RBM33: variants seen among roughly 807,000 people sequenced by gnomAD.
The protein encoded by RBM33 is RNA-binding protein 33.
In RBM33, 28 loss-of-function variants were observed where a neutral mutation model predicts 132.6. That is an observed-to-expected ratio of 0.21 (90% CI 0.16 to 0.29). RBM33 has a LOEUF of 0.29. Ranked by LOEUF, RBM33 falls within the 10% of genes least tolerant of loss-of-function variation. The pLI is 1.00. For missense variants in RBM33, 1,291 were observed against 1,518.5 expected (o/e 0.85, Z 2.49); for synonymous variants, 634 against 593.0 (o/e 1.07, Z -1.01).
chr7:155,737,945 A>G, intron 10 of RBM33, 115 bp from the exon 11 acceptor site: 2 of 978,982 alleles, frequency 2.0e-6, no homozygotes, highest in Non-Finnish European at 1.5e-6. Context: ...TCCAACATTC[A>G]TAACCTGTCA....
Position 155,774,985 on chromosome 7 carries a change from T to G in RBM33, c.3465-8T>G, listed in dbSNP as rs1802555994. ...GTTAGTGTCGATCGTTTCTTTAAAT[T>G]TTCACAGGCATATGATAGATTTGTC... On this transcript the variant is annotated splice_region_variant and splice_polypyrimidine_tract_variant and intron_variant, in intron 17 of 17. Coordinates refer to ENST00000401878, the MANE Select transcript of RBM33 (RefSeq NM_053043.3). This position sits in a 1 kb window ranked among gnomAD's most constrained non-coding sequence, Gnocchi z 4.2. 1 of 1,613,610 alleles carries G rather than the reference T, an allele frequency of 6.2e-7. No homozygotes were observed. Among genetic ancestry groups the G allele is most frequent in the Admixed American group, 1.7e-5 (1 of 60,002 alleles).
At chr7:155,664,314 C>T (rs1042772857) in intron 1 of RBM33, among the ~76,000 whole-genome samples, 2 of 151,658 alleles carry the variant, frequency 1.3e-5, no homozygotes, top group African/African-American at 2.4e-5. Context: ...AGTGCAGTGG[C>T]GCGATCTCCG....
At chr7:155,773,380 A>G (rs925084891) in intron 16 of RBM33, among the ~76,000 whole-genome samples, 1 of 152,086 alleles carries the variant, frequency 6.6e-6, no homozygotes, top group African/African-American at 2.4e-5. Flanking sequence ...AGCCTGGCCA[A>G]CATAGTGAAA....
chr7:155,761,630 C>T (rs990716869), intron 14 of RBM33, among the ~76,000 whole-genome samples: 4 of 152,106 alleles, frequency 2.6e-5, no homozygotes, highest in Non-Finnish European at 5.9e-5. Flanking sequence ...GCGGTGATCC[C>T]TCTTTGTTTC....
intron 1 of RBM33, among the ~76,000 whole-genome samples, chr7:155,653,482 G>T (rs539834425): frequency 2.4e-4 from 36 of 151,946 alleles, no homozygotes; most frequent in Middle Eastern, 3.4e-3. Context: ...TAGCGGGGGT[G>T]GGGGCCCTAG....
chr7:155,707,349 G>A, intron 7 of RBM33: 1 of 564,082 alleles, frequency 1.8e-6, no homozygotes, highest in South Asian at 1.5e-5. Context: ...GACATAAGCT[G>A]TTGGACCTTG....
intron 14 of RBM33, among the ~76,000 whole-genome samples, chr7:155,760,742 GT>G (rs1001914331): frequency 2.6e-5 from 4 of 152,168 alleles, no homozygotes; most frequent in African/African-American, 9.7e-5. Context: ...AATTCACATA[GT>G]TTTTTAAGAT....
rs183989291 is a variant in RBM33 at position 155,670,664 on chromosome 7, A to G, written c.123-2203A>G. Among the ~76,000 whole-genome samples, 11 of 152,294 alleles carry G rather than the reference A, an allele frequency of 7.2e-5. No individual in the cohort carries two copies. In the East Asian group the frequency reaches 1.5e-3, roughly 21 times the overall value. On this transcript the variant is annotated intron_variant, in intron 2 of 17. Coordinates refer to ENST00000401878, the MANE Select transcript of RBM33 (RefSeq NM_053043.3). Reference sequence around the variant, plus strand: ...TCTACCTGAGAGGGGTATTATGTCAATGAAAAGCTCGTGTGTGTGGAACAT... The same window carrying G: ...TCTACCTGAGAGGGGTATTATGTCAGTGAAAAGCTCGTGTGTGTGGAACAT...
Position 155,665,190 on chromosome 7 carries a change from A to G in RBM33, c.59A>G (p.Gln20Arg). Reference protein sequence around the residue: ...GAGAGDDDFDQFDKPGAERSW... With the variant: ...GAGAGDDDFDRFDKPGAERSW... The stretch of plus-strand genomic sequence containing the variant: ...GTTCTCATAGATGATGACTTTGACC[A>G]GTTTGATAAGCCTGGCGCGGAACGG... The change falls in exon 2 of 18, where the codon CAG becomes CGG. Residue 20 changes from glutamine to arginine, a missense_variant. Physicochemically the swap from Gln to Arg is conservative, Grantham distance 43. This residue lies in a region of RBM33 where 194 missense variants were observed against 249.8 expected (regional missense o/e 0.78). Transcript: ENST00000401878. 1 of 1,613,922 alleles carries G rather than the reference A, an allele frequency of 6.2e-7. No homozygotes were observed. The highest frequency in any genetic ancestry group is 1.1e-5 in the South Asian group (1 of 91,086).
At chr7:155,673,559 TACACAC>T (rs1171273354) in intron 3 of RBM33, among the ~76,000 whole-genome samples, 1 of 85,424 alleles carries the variant, frequency 1.2e-5, no homozygotes, top group Non-Finnish European at 2.3e-5. Context: ...TGTATATATA[TACACAC>T]ATATACATAC....
In RBM33 at chr7:155,673,940, GTTTT is replaced by G. The variant is rs71186053; in HGVS notation, c.171+1054_171+1057del. Among the ~76,000 whole-genome samples, 95 of 54,194 alleles carry G rather than the reference GTTTT, an allele frequency of 1.8e-3. 14 individuals carry two copies. Among genetic ancestry groups the G allele is most frequent in the Non-Finnish European group, 2.3e-3 (71 of 30,834 alleles). The allele number at this position is 54,194 out of a possible 152,430, so 35.6% of individuals were successfully genotyped here. The stretch of plus-strand genomic sequence containing the variant: ...TCATTATCAAGATAGTTTAGGCTTA[GTTTT>G]TTTTTTTTTTTTTTTTTTTTTTTTT... On this transcript the variant is annotated intron_variant, in intron 3 of 17. Coordinates refer to ENST00000401878, the MANE Select transcript of RBM33 (RefSeq NM_053043.3).
chr7:155,767,860 T>G (rs947982973), intron 16 of RBM33, among the ~76,000 whole-genome samples: 1 of 152,232 alleles, frequency 6.6e-6, no homozygotes, highest in Non-Finnish European at 1.5e-5. Context: ...AGGAACACGG[T>G]AGACACTAGA....
In RBM33 at chr7:155,712,110, TG is replaced by T. The variant is rs1016604868; in HGVS notation, c.1201+656del. ...CACTAGAGACCGCTATTGGAATGCC[TG>T]AACTGTGACACTTTGTAAGTCTCCC... On this transcript the variant is annotated intron_variant, in intron 8 of 17. Transcript: ENST00000401878. 5.1e-4 allele frequency among the ~76,000 whole-genome samples: 77 copies of T among 152,254 alleles called. 3 individuals carry two copies. The highest frequency in any genetic ancestry group is 7.3e-5 in the Non-Finnish European group (5 of 68,040).
At chr7:155,770,797 AG>A (rs1240443108) in intron 16 of RBM33, among the ~76,000 whole-genome samples, 1 of 152,170 alleles carries the variant, frequency 6.6e-6, no homozygotes, top group East Asian at 1.9e-4. Flanking sequence ...TCCTCAAAAG[AG>A]GAAGAACTTT....
intron 9 of RBM33, among the ~76,000 whole-genome samples, chr7:155,729,596 A>G (rs1800893401): frequency 6.6e-6 from 1 of 151,946 alleles, no homozygotes. Context: ...AATTAGCCAG[A>G]TATGGTGGCT....
chr7:155,653,487 C>T (rs907704696), intron 1 of RBM33, among the ~76,000 whole-genome samples: 3 of 151,634 alleles, frequency 2.0e-5, no homozygotes, highest in Non-Finnish European at 4.4e-5. Context: ...GGGGTGGGGG[C>T]CCTAGATAGC....
At chr7:155,737,375 G>A (rs541812121) in intron 9 of RBM33, among the ~76,000 whole-genome samples, 155 bp from the exon 10 acceptor site, 1 of 152,052 alleles carries the variant, frequency 6.6e-6, no homozygotes, top group South Asian at 2.1e-4. Context: ...GTGTGTGTGT[G>A]TGTGTGTGTG....
At chr7:155,646,433 TTTTGTCACAAGTGCCAAAG>T (rs1798195959) in intron 1 of RBM33, among the ~76,000 whole-genome samples, 1 of 152,246 alleles carries the variant, frequency 6.6e-6, no homozygotes, top group Admixed American at 6.5e-5. Flanking sequence ...TTTCCTTCCA[TTTTGTCACAAGTGCCAAAG>T]TTTCCTTTGC....
chr7:155,720,428 T>C (rs1239617495), intron 9 of RBM33, among the ~76,000 whole-genome samples: 1 of 152,180 alleles, frequency 6.6e-6, no homozygotes, highest in African/African-American at 2.4e-5. Context: ...CCACCAGTCT[T>C]GTTGGGAAGG....
Sources: gnomAD v4.1 joint callset for allele counts (sites outside exome capture counted in the v4.1 genomes callset) on GRCh38, gnomAD v4.1.1 for gene constraint, gnomAD v4.1.1 regional missense constraint, Gnocchi (gnomAD v3.1) non-coding constraint, MANE v1.5 for transcripts, NCBI Gene and HGNC (gene_info 2026-07-23, HGNC 2026-07-21) for gene names.